HCRTR2: variants seen among roughly 807,000 people sequenced by gnomAD.
HCRTR2 encodes the protein hypocretin receptor 2, also known as orexin receptor type 2.
A neutral mutation model predicts 49.0 loss-of-function variants in HCRTR2; 22 were observed. The ratio of observed to expected loss-of-function variants is 0.45; its 90% CI spans 0.32 to 0.64. The LOEUF is 0.64. Among genes scored for constraint, HCRTR2 ranks in the 30% least tolerant of loss-of-function variants. HCRTR2 has a pLI of 0.04. For synonymous variants in HCRTR2, 236 were observed against 205.3 expected (o/e 1.15, Z -1.28); for missense variants, 491 against 559.4 (o/e 0.88, Z 1.23).
chr6:55,282,101 C>T, intron 6 of HCRTR2, 124 bp from the exon 7 acceptor site: 3 of 704,732 alleles, frequency 4.3e-6, no homozygotes, highest in Non-Finnish European at 7.7e-6. Context: ...TTTTACCCAT[C>T]TTTGCAAAAT....
Position 55,150,760 on chromosome 6 carries a change from A to G in HCRTR2, c.-377-23451A>G, listed in dbSNP as rs1764654291. 1.3e-5 allele frequency among the ~76,000 whole-genome samples: 2 copies of G among 151,912 alleles called. 1 individual carries two copies. Among genetic ancestry groups the G allele is most frequent in the Admixed American group, 1.3e-4 (2 of 15,218 alleles). On this transcript the variant is annotated intron_variant, in intron 1 of 7. Coordinates refer to the HCRTR2 transcript ENST00000615358. ...ATTGATGGAAATGGAGGTTGCTTCCATGCTTTTGATATTATAAACAATGTT... is the reference window on the plus strand; with the variant it reads ...ATTGATGGAAATGGAGGTTGCTTCCGTGCTTTTGATATTATAAACAATGTT...
chr6:55,120,958 G>T (rs972210718), intron 1 of HCRTR2, among the ~76,000 whole-genome samples: 1 of 152,152 alleles, frequency 6.6e-6, no homozygotes, highest in South Asian at 2.1e-4. Flanking sequence ...GGCAATGTGG[G>T]CTCTTTTTTG....
intron 1 of HCRTR2, among the ~76,000 whole-genome samples, chr6:55,232,195 A>G (rs558996232): frequency 1.3e-5 from 2 of 152,306 alleles, no homozygotes; most frequent in East Asian, 3.9e-4. Flanking sequence ...ATTAATTTAC[A>G]TGTAATTCAG....
intron 1 of HCRTR2, among the ~76,000 whole-genome samples, chr6:55,195,773 C>G (rs910934890): frequency 9.2e-5 from 14 of 152,030 alleles, no homozygotes; most frequent in Non-Finnish European, 1.3e-4. Context: ...AGAATGAGAC[C>G]ATCCTGTGAA....
At chr6:55,226,635 C>CAGGT (rs1766009770) in intron 1 of HCRTR2, among the ~76,000 whole-genome samples, 1 of 150,346 alleles carries the variant, frequency 6.7e-6, no homozygotes, top group Non-Finnish European at 1.5e-5. Flanking sequence ...TCTTAGGGGA[C>CAGGT]AGGTAAGCAT....
intron 4 of HCRTR2, 41 bp downstream of exon 4, chr6:55,263,863 A>C: frequency 8.7e-7 from 1 of 1,153,702 alleles, no homozygotes; most frequent in South Asian, 1.2e-5. Context: ...ATTCCTCCAC[A>C]CATAATTTGT....
intron 4 of HCRTR2, among the ~76,000 whole-genome samples, chr6:55,269,929 A>G (rs1186061418): frequency 1.3e-5 from 2 of 152,164 alleles, no homozygotes. Context: ...GCACCACTGC[A>G]CTCCAGCCTG....
At chr6:55,223,984 A>G (rs151243355) in intron 1 of HCRTR2, among the ~76,000 whole-genome samples, 58 of 152,316 alleles carry the variant, frequency 3.8e-4, no homozygotes, top group Admixed American at 2.0e-3. Flanking sequence ...ACATGGGTGA[A>G]TTTCCCAAAA....
chr6:55,273,815 A>G (rs1470623711), intron 4 of HCRTR2, among the ~76,000 whole-genome samples: 1 of 151,894 alleles, frequency 6.6e-6, no homozygotes, highest in African/African-American at 2.4e-5. Flanking sequence ...GCTTTTTTTC[A>G]GGTAGTCCCT....
chr6:55,169,716 T>C (rs1205683824), upstream of HCRTR2, among the ~76,000 whole-genome samples: 1 of 152,130 alleles, frequency 6.6e-6, no homozygotes, highest in Admixed American at 6.5e-5. Context: ...CTTGATTTTA[T>C]TTTCATTCCA....
rs143910310 is a variant in HCRTR2, at chr6:55,235,134, T to C, written c.224-13505T>C. Among the ~76,000 whole-genome samples the C allele has an allele frequency of 4.6e-3, 705 of 152,266 alleles. 7 individuals carry two copies. The highest frequency in any genetic ancestry group is 0.015 in the African/African-American group (628 of 41,564). ...TTAAAAACAGATAACAATTAATCTA[T>C]GGTGTTACAAATCAGTATACGGATT... On this transcript the variant is annotated intron_variant, in intron 1 of 6. Coordinates refer to ENST00000370862, the MANE Select transcript of HCRTR2 (RefSeq NM_001384272.1).
At chr6:55,271,601 T>C (rs1766974436) in intron 4 of HCRTR2, among the ~76,000 whole-genome samples, 1 of 152,098 alleles carries the variant, frequency 6.6e-6, no homozygotes, top group African/African-American at 2.4e-5. Flanking sequence ...AGTCAGCCCA[T>C]ATAAATGCAG....
intron 4 of HCRTR2, 56 bp from the exon 5 acceptor site, chr6:55,277,324 A>G: frequency 6.9e-7 from 1 of 1,446,950 alleles, no homozygotes. Flanking sequence ...TTACTTCCCC[A>G]AAGTGGAACT....
At chr6:55,117,898 A>G (rs996971261) in intron 1 of HCRTR2, among the ~76,000 whole-genome samples, 1 of 148,122 alleles carries the variant, frequency 6.8e-6, no homozygotes, top group Non-Finnish European at 1.5e-5. Context: ...CCTTTATTTA[A>G]CTTTTATTTT....
chr6:55,201,918 T>C (rs1338833563), intron 1 of HCRTR2, among the ~76,000 whole-genome samples: 1 of 152,212 alleles, frequency 6.6e-6, no homozygotes, highest in African/African-American at 2.4e-5. Context: ...CTGCTTTTGT[T>C]GGTTTTGAAA....
At chr6:55,242,577 C>T (rs577097699) in intron 1 of HCRTR2, among the ~76,000 whole-genome samples, 1 of 152,314 alleles carries the variant, frequency 6.6e-6, no homozygotes, top group East Asian at 1.9e-4. Context: ...CAGTGGTCCA[C>T]TAATTATGTA....
Position 55,255,358 on chromosome 6 carries a change from G to A in HCRTR2, c.625G>A (p.Val209Met), listed in dbSNP as rs757959914. Residue 209 changes from valine to methionine, a missense_variant, in exon 3 of 7, where the codon GTG becomes ATG. Val to Met is a conservative substitution (Grantham distance 21). Coordinates refer to ENST00000370862, the MANE Select transcript of HCRTR2 (RefSeq NM_001384272.1). ...AGCCAATAAAACCACCCTCTTTACG[G>A]TGTGTGATGAGCGCTGGGGTGGTAA... ...GLANKTTLFT[V>M]CDERWGGEIY... The A allele has an allele frequency of 1.3e-5, 21 of 1,614,026 alleles. 2 individuals carry two copies. In the South Asian group the frequency reaches 2.0e-4, roughly 15 times the overall value.
Position 55,115,507 on chromosome 6 carries a change from T to TA in HCRTR2, c.-378+8962_-378+8963insA, listed in dbSNP as rs1312634120. The stretch of plus-strand genomic sequence containing the variant: ...GTGTGTGTGTGTGTGTGTGTGTGTG[T>TA]GTGTGGTAGTAGTAGTAGTAGTACT... On this transcript the variant is annotated intron_variant, in intron 1 of 7. Coordinates refer to the HCRTR2 transcript ENST00000615358. Among the ~76,000 whole-genome samples the TA allele has an allele frequency of 2.1e-3, 272 of 127,762 alleles. 1 individual carries two copies. Among genetic ancestry groups the TA allele is most frequent in the African/African-American group, 7.8e-3 (260 of 33,142 alleles). 83.8% of individuals were successfully genotyped at this position (127,762 alleles called of 152,430 possible).
intron 1 of HCRTR2, among the ~76,000 whole-genome samples, chr6:55,176,614 AGC>A (rs1462610156): frequency 6.6e-6 from 1 of 152,240 alleles, no homozygotes. Context: ...AACCCACATT[AGC>A]CAGAAGAAGA....
Sources: allele counts gnomAD v4.1 joint callset (sites outside exome capture counted in the v4.1 genomes callset), GRCh38; gene constraint gnomAD v4.1.1; transcripts MANE v1.5; gene names NCBI Gene and HGNC (gene_info 2026-07-23, HGNC 2026-07-21).